Variants in CDH13 observed in about 807,000 individuals in gnomAD.
CDH13 encodes cadherin-13.
A neutral mutation model predicts 63.8 loss-of-function variants in CDH13; 24 were observed. That is an observed-to-expected ratio of 0.38 (90% CI 0.27 to 0.53). The LOEUF is 0.53. Among genes scored for constraint, CDH13 ranks in the 20% least tolerant of loss-of-function variants. The probability of loss-of-function intolerance (pLI) is 0.85; values close to 1 mark genes in which losing one functional copy is unlikely to be tolerated. For synonymous variants in CDH13, 503 were observed against 355.3 expected (o/e 1.42, Z -4.67); for missense variants, 1,049 against 903.1 (o/e 1.16, Z -2.07).
chr16:82,701,048 C>A (rs2030965753), intron 1 of CDH13, among the ~76,000 whole-genome samples: 1 of 147,994 alleles, frequency 6.8e-6, no homozygotes, highest in African/African-American at 2.5e-5. Flanking sequence ...CTTCTTATCT[C>A]CTCCATGAGT....
At chr16:83,274,834 C>G (rs2088935492) in intron 5 of CDH13, among the ~76,000 whole-genome samples, 2 of 152,140 alleles carry the variant, frequency 1.3e-5, no homozygotes, top group African/African-American at 4.8e-5. Flanking sequence ...TATAAGCAAG[C>G]TCCCAGGATG....
At chr16:83,411,621 C>G (rs796274376) in intron 6 of CDH13, among the ~76,000 whole-genome samples, 1 of 152,188 alleles carries the variant, frequency 6.6e-6, no homozygotes, top group South Asian at 2.1e-4. Flanking sequence ...TGTGATGGCT[C>G]AAATAACCTA....
Position 82,749,944 on chromosome 16 carries a change from T to G in CDH13, c.46-108418T>G, listed in dbSNP as rs1013091687. ...TTGAAGGCTCCTGTCTCTAGAAACA[T>G]GGAACTAAAGGCAAGTCGATTTTTG... On this transcript the variant is annotated intron_variant, in intron 1 of 13. Transcript: ENST00000567109. 2.6e-5 allele frequency among the ~76,000 whole-genome samples: 4 copies of G among 152,114 alleles called. No individual in the cohort carries two copies. The East Asian group carries it at 7.7e-4, about 29-fold the overall frequency.
At chr16:83,557,150 A>T (rs1040281281) in intron 7 of CDH13, among the ~76,000 whole-genome samples, 1 of 152,152 alleles carries the variant, frequency 6.6e-6, no homozygotes, top group African/African-American at 2.4e-5. Context: ...CTTATTGTCA[A>T]CTGCATGTGA....
intron 3 of CDH13, among the ~76,000 whole-genome samples, chr16:83,055,972 A>G (rs1380765234): frequency 1.3e-5 from 2 of 152,198 alleles, no homozygotes; most frequent in East Asian, 1.9e-4. Context: ...CAGGACATTT[A>G]TCTAGGACAT....
intron 1 of CDH13, among the ~76,000 whole-genome samples, chr16:82,629,157 A>G (rs533864844): frequency 3.9e-5 from 6 of 152,306 alleles, no homozygotes; most frequent in South Asian, 2.1e-4. Context: ...ATTTTTATGC[A>G]CTAAGGGCTC....
intron 1 of CDH13, among the ~76,000 whole-genome samples, chr16:82,682,010 A>T (rs1914601618): frequency 1.3e-5 from 2 of 152,120 alleles, no homozygotes; most frequent in Admixed American, 1.3e-4. Flanking sequence ...TCACCTTCCA[A>T]ATCAGGTGGG....
chr16:83,476,817 A>G (rs1311374635), intron 6 of CDH13, among the ~76,000 whole-genome samples: 1 of 152,230 alleles, frequency 6.6e-6, no homozygotes, highest in African/African-American at 2.4e-5. Context: ...TTTTATTATT[A>G]GTTTGGAATA....
intron 6 of CDH13, among the ~76,000 whole-genome samples, chr16:83,465,093 C>A (rs373842478): frequency 1.3e-5 from 2 of 152,164 alleles, no homozygotes; most frequent in Admixed American, 6.5e-5. Flanking sequence ...AGACAAAGTC[C>A]CCCCATCACA....
intron 1 of CDH13, among the ~76,000 whole-genome samples, chr16:82,652,244 A>T (rs1457537412): frequency 6.6e-6 from 1 of 152,202 alleles, no homozygotes; most frequent in Non-Finnish European, 1.5e-5. Flanking sequence ...CTAGCCTGTC[A>T]TGGTGGAACC....
At chr16:83,427,308 C>A (rs760966915) in intron 6 of CDH13, among the ~76,000 whole-genome samples, 3 of 151,966 alleles carry the variant, frequency 2.0e-5, no homozygotes, top group Non-Finnish European at 2.9e-5. Flanking sequence ...TCTGGATAGA[C>A]CCAATAGAAT....
At chr16:82,740,669 G>A (rs560178889) in intron 1 of CDH13, among the ~76,000 whole-genome samples, 38 of 152,058 alleles carry the variant, frequency 2.5e-4, no homozygotes, top group Admixed American at 3.9e-4. Context: ...GTGCTCCTTC[G>A]GAAACATTCT....
At chr16:83,487,064 C>T (rs570170669) in intron 7 of CDH13, among the ~76,000 whole-genome samples, 58 of 152,216 alleles carry the variant, frequency 3.8e-4, no homozygotes, top group Middle Eastern at 3.4e-3. Context: ...GAGTCAAATG[C>T]CCATGACTCC....
At chr16:82,723,214 A>G (rs945355659) in intron 1 of CDH13, 1 of 152,182 alleles carries the variant, frequency 6.6e-6, no homozygotes, top group Non-Finnish European at 1.5e-5. Context: ...ATTGTAATGT[A>G]TCTCCTTAAA....
intron 4 of CDH13, among the ~76,000 whole-genome samples, chr16:83,132,828 A>T (rs574249238): frequency 1.3e-5 from 2 of 152,338 alleles, no homozygotes; most frequent in East Asian, 3.9e-4. Context: ...TAAGATGCCT[A>T]AAGGCTCAGT....
At chr16:83,647,423 G>A (rs1403065405) in intron 8 of CDH13, among the ~76,000 whole-genome samples, 1 of 152,080 alleles carries the variant, frequency 6.6e-6, no homozygotes, top group Non-Finnish European at 1.5e-5. Context: ...TTTTGTTTGT[G>A]AAAGTTTCTC....
chr16:83,532,592 T>C (rs2075104448), intron 7 of CDH13, among the ~76,000 whole-genome samples: 1 of 152,224 alleles, frequency 6.6e-6, no homozygotes, highest in Non-Finnish European at 1.5e-5. Context: ...GCTGAATGAA[T>C]AAATGGCTGC....
intron 5 of CDH13, among the ~76,000 whole-genome samples, chr16:83,286,733 G>A (rs532671877): frequency 1.4e-5 from 2 of 144,612 alleles, no homozygotes; most frequent in African/African-American, 5.1e-5. Flanking sequence ...TCCAGCCTGG[G>A]CAACAAAGTG....
chr16:83,652,085 A>T (rs1598416802), intron 8 of CDH13, among the ~76,000 whole-genome samples: 1 of 152,202 alleles, frequency 6.6e-6, no homozygotes, highest in Admixed American at 6.5e-5. Flanking sequence ...TGGGACTCAG[A>T]AACTCCATCA....
Sources: gnomAD v4.1 joint callset for allele counts (sites outside exome capture counted in the v4.1 genomes callset) on GRCh38, gnomAD v4.1.1 for gene constraint, MANE v1.5 for transcripts, NCBI Gene and HGNC (gene_info 2026-07-23, HGNC 2026-07-21) for gene names.